DDAH1: variants seen among roughly 807,000 people sequenced by gnomAD.
DDAH1 encodes N(G),N(G)-dimethylarginine dimethylaminohydrolase 1.
A neutral mutation model predicts 28.8 loss-of-function variants in DDAH1; 19 were observed. That is an observed-to-expected ratio of 0.66 (90% CI 0.46 to 0.97). The LOEUF is 0.97. Ranked by LOEUF, DDAH1 falls within the 50% of genes least tolerant of loss-of-function variation. The pLI is 0.00. For missense variants in DDAH1, 326 were observed against 375.9 expected (o/e 0.87, Z 1.10); for synonymous variants, 153 against 154.4 (o/e 0.99, Z 0.07).
intron 1 of DDAH1, chr1:85,399,583 T>G (rs958321208): frequency 6.6e-6 from 1 of 152,256 alleles, no homozygotes; most frequent in Non-Finnish European, 1.5e-5. Flanking sequence ...GAGTTATCCA[T>G]GCTGAAGTTC....
intron 2 of DDAH1, among the ~76,000 whole-genome samples, chr1:85,488,874 T>C (rs1656292036): frequency 1.3e-5 from 2 of 152,228 alleles, no homozygotes; most frequent in African/African-American, 4.8e-5. Context: ...CAGTGTATAT[T>C]CATTAGCATG....
intron 1 of DDAH1, among the ~76,000 whole-genome samples, chr1:85,572,232 T>C (rs1275172713): frequency 6.6e-6 from 1 of 152,270 alleles, no homozygotes; most frequent in South Asian, 2.1e-4. Context: ...GTTTAACTTG[T>C]TTATTATCAG....
rs1481832549 is a variant in DDAH1, at chr1:85,321,567, A to G, written c.743T>C (p.Val248Ala). The change falls in exon 6 of 6, where the codon GTT becomes GCT. Residue 248 changes from valine (V) to alanine (A), a missense_variant and splice_region_variant. Val to Ala is a moderately conservative substitution (Grantham distance 64). Coordinates refer to ENST00000284031, the MANE Select transcript of DDAH1 (RefSeq NM_012137.4). ...TPEEYPESAK[V>A]YEKLKDHMLI... ...CATATGGTCCTTCAGTTTCTCATAA[A>G]CCTACAGTGGGAATCAAGGAAAAGG... 3.1e-6 allele frequency: 5 copies of G among 1,606,704 alleles called. No homozygotes were observed. Among genetic ancestry groups the G allele is most frequent in the South Asian group, 2.2e-5 (2 of 90,874 alleles).
At chr1:85,496,543 C>T (rs1293437548) in intron 1 of DDAH1, among the ~76,000 whole-genome samples, 1 of 152,112 alleles carries the variant, frequency 6.6e-6, no homozygotes, top group African/African-American at 2.4e-5. Context: ...TACATAGAGT[C>T]GGTATTTTCC....
chr1:85,484,240 T>A (rs1656114534), intron 2 of DDAH1, among the ~76,000 whole-genome samples: 1 of 151,700 alleles, frequency 6.6e-6, no homozygotes, highest in South Asian at 2.1e-4. Flanking sequence ...TGGTTCAGGA[T>A]AAATTTTATC....
At chr1:85,429,831 C>G (rs1163004843) in intron 1 of DDAH1, among the ~76,000 whole-genome samples, 10 of 152,150 alleles carry the variant, frequency 6.6e-5, no homozygotes, top group Non-Finnish European at 1.5e-4. Context: ...CTGTTCATAT[C>G]TTTTACCCAC....
At chr1:85,477,106 G>A (rs768480407) in intron 2 of DDAH1, among the ~76,000 whole-genome samples, 3 of 152,182 alleles carry the variant, frequency 2.0e-5, no homozygotes, top group Non-Finnish European at 4.4e-5. Context: ...AGAATTGAAA[G>A]ATGAGTAGGT....
intron 1 of DDAH1, among the ~76,000 whole-genome samples, chr1:85,359,132 T>C (rs1649650703): frequency 6.6e-6 from 1 of 152,198 alleles, no homozygotes; most frequent in Admixed American, 6.5e-5. Flanking sequence ...TACAATACTG[T>C]TGGAGGCCGA....
chr1:85,440,173 A>G (rs908917578), intron 1 of DDAH1, among the ~76,000 whole-genome samples: 3 of 152,226 alleles, frequency 2.0e-5, no homozygotes, highest in Admixed American at 6.5e-5. Context: ...GATATTTATG[A>G]GCATTAAACA....
chr1:85,332,854 T>C (rs964928142), intron 4 of DDAH1, among the ~76,000 whole-genome samples: 2 of 152,282 alleles, frequency 1.3e-5, no homozygotes, highest in Admixed American at 1.3e-4. Flanking sequence ...CCACCACTGC[T>C]GGCAATCTTC....
At chr1:85,431,437 T>G (rs1341087129) in intron 1 of DDAH1, among the ~76,000 whole-genome samples, 1 of 152,200 alleles carries the variant, frequency 6.6e-6, no homozygotes, top group Non-Finnish European at 1.5e-5. Context: ...TGTCTGACAG[T>G]GAGAAAACAA....
chr1:85,519,181 C>A (rs576704721), intron 1 of DDAH1, among the ~76,000 whole-genome samples: 2,025 of 150,078 alleles, frequency 0.013, 24 homozygotes, highest in Non-Finnish European at 0.021. Context: ...GCAAGCTCCA[C>A]CTCCCGGGTT....
chr1:85,341,125 T>C (rs1377323014), intron 4 of DDAH1, among the ~76,000 whole-genome samples: 3 of 152,236 alleles, frequency 2.0e-5, no homozygotes, highest in African/African-American at 7.2e-5. Flanking sequence ...TTTTATCTTT[T>C]AATGTTCTCT....
chr1:85,331,471 T>C (rs1647764201), intron 4 of DDAH1, among the ~76,000 whole-genome samples: 1 of 151,592 alleles, frequency 6.6e-6, no homozygotes, highest in South Asian at 2.1e-4. Context: ...ATATCAAAGC[T>C]AAACCAGTAT....
chr1:85,410,860 C>T (rs1261508568), intron 1 of DDAH1, among the ~76,000 whole-genome samples: 1 of 152,128 alleles, frequency 6.6e-6, no homozygotes, highest in African/African-American at 2.4e-5. Flanking sequence ...GTATACAAGC[C>T]AATGAGAAAT....
intron 1 of DDAH1, among the ~76,000 whole-genome samples, chr1:85,498,636 G>A (rs934656726): frequency 2.6e-5 from 4 of 152,084 alleles, no homozygotes; most frequent in Non-Finnish European, 5.9e-5. Flanking sequence ...AAACATTTTC[G>A]AGCCCTGTGT....
rs1657519980 is a variant in DDAH1 at position 85,517,731 on chromosome 1, A to AGACTT, written c.-122-21451_-122-21450insAAGTC. On this transcript the variant is annotated intron_variant, in intron 1 of 6. Transcript: ENST00000426972. ...ATCACCCACCTTCTAGAGTCCCAAGACACTAAGGCTCCCAAAGGCAGCCCA... is the reference window on the plus strand; with the variant it reads ...ATCACCCACCTTCTAGAGTCCCAAGAGACTTCACTAAGGCTCCCAAAGGCAGCCCA... 2.0e-5 allele frequency among the ~76,000 whole-genome samples: 3 copies of AGACTT among 152,134 alleles called. No homozygotes were observed. The South Asian group carries it at 6.2e-4, about 32-fold the overall frequency.
At chr1:85,390,823 TA>T (rs2100553923) in intron 1 of DDAH1, among the ~76,000 whole-genome samples, 1 of 152,326 alleles carries the variant, frequency 6.6e-6, no homozygotes, top group African/African-American at 2.4e-5. Context: ...CTTTTTCACG[TA>T]CAGAATTATG....
In DDAH1 at chr1:85,464,282, T is replaced by C. The variant is rs913910107; in HGVS notation, c.303+461A>G. ...CCGACACCCCGTTAATTCATCCAGCTTGTCCTGCTCCGAGCGCCAGGCAGG... is the reference window on the plus strand; with the variant it reads ...CCGACACCCCGTTAATTCATCCAGCCTGTCCTGCTCCGAGCGCCAGGCAGG... On this transcript the variant is annotated intron_variant, in intron 1 of 5. Coordinates refer to ENST00000284031, the MANE Select transcript of DDAH1 (RefSeq NM_012137.4). The surrounding 1 kb of genome is among the most constrained non-coding windows in gnomAD (Gnocchi z 4.4). 1.3e-5 allele frequency among the ~76,000 whole-genome samples: 2 copies of C among 152,162 alleles called. No individual in the cohort carries two copies. Among genetic ancestry groups the C allele is most frequent in the African/African-American group, 4.8e-5 (2 of 41,442 alleles).
Sources: allele counts gnomAD v4.1 joint callset (sites outside exome capture counted in the v4.1 genomes callset), GRCh38; gene constraint gnomAD v4.1.1; non-coding constraint Gnocchi (gnomAD v3.1); transcripts MANE v1.5; gene names NCBI Gene and HGNC (gene_info 2026-07-23, HGNC 2026-07-21).